NKIRAS1: variants seen among roughly 807,000 people sequenced by gnomAD.
NKIRAS1 encodes NFKB inhibitor interacting Ras like 1, also known as NF-kappa-B inhibitor-interacting Ras-like protein 1.
Under a neutral mutation model 19.8 loss-of-function variants are expected in NKIRAS1, and 16 were observed. The ratio of observed to expected loss-of-function variants is 0.81; its 90% CI spans 0.55 to 1.23. The LOEUF is 1.23. NKIRAS1 is among the 50% of genes most tolerant of loss of function. NKIRAS1 has a pLI of 0.00. For synonymous variants in NKIRAS1, 88 were observed against 79.0 expected (o/e 1.11, Z -0.61); for missense variants, 184 against 220.0 (o/e 0.84, Z 1.04).
intron 4 of NKIRAS1, among the ~76,000 whole-genome samples, chr3:23,896,955 C>T (rs1489494489): frequency 6.6e-6 from 1 of 152,140 alleles, no homozygotes; most frequent in African/African-American, 2.4e-5. Flanking sequence ...CTCATAATCC[C>T]AGCACTTTGG....
intron 1 of NKIRAS1, among the ~76,000 whole-genome samples, chr3:23,931,822 A>AAATTT (rs1705322825): frequency 6.6e-6 from 1 of 152,172 alleles, no homozygotes; most frequent in South Asian, 2.1e-4. Flanking sequence ...TCAACCACCC[A>AAATTT]GTGACTTCAG....
chr3:23,893,097 A>G lies in NKIRAS1; in HGVS notation c.577T>C (p.Ter193GlnextTer10). 1 of 1,546,218 alleles carries G rather than the reference A, an allele frequency of 6.5e-7. No homozygotes were observed. The highest frequency in any genetic ancestry group is 1.4e-5 in the African/African-American group (1 of 72,480). Residue 193 changes from the stop codon to glutamine (Q), a stop_lost, in exon 5 of 5, where the codon TAA becomes CAA. Coordinates refer to ENST00000425478, the MANE Select transcript of NKIRAS1 (RefSeq NM_020345.4). ...ACAATTGTGGAAATTACTGATTTTT[A>G]GTTCTCAGAATTAGAGTTCCCTTTG... ...KNKGNSNSEN[*>Q]
intron 4 of NKIRAS1, among the ~76,000 whole-genome samples, chr3:23,898,937 G>T (rs1702240995): frequency 6.6e-6 from 1 of 152,130 alleles, no homozygotes; most frequent in African/African-American, 2.4e-5. Flanking sequence ...ATTGTGAACT[G>T]CACATGTGAG....
intron 1 of NKIRAS1, among the ~76,000 whole-genome samples, chr3:23,931,930 G>T (rs1705324938): frequency 6.6e-6 from 1 of 152,202 alleles, no homozygotes; most frequent in Non-Finnish European, 1.5e-5. Context: ...TTTGTCTGGA[G>T]CAATGATGCT....
rs142956111 is a variant in NKIRAS1, at chr3:23,892,344, C to T, written c.*751G>A. 4.6e-5 allele frequency: 7 copies of T among 152,134 alleles called. No individual in the cohort carries two copies. Among genetic ancestry groups the T allele is most frequent in the Non-Finnish European group, 8.8e-5 (6 of 68,014 alleles). The allele number at this position is 152,134 out of a possible 1,614,324, so 9.4% of individuals were successfully genotyped here. On this transcript the variant is annotated 3_prime_UTR_variant, in exon 5 of 5. Transcript: ENST00000425478. ...TTCTAGAAAACTATTCCAGAAGATACAGTCTTCCTTCCAGAAAATACAGCT... is the reference window on the plus strand; with the variant it reads ...TTCTAGAAAACTATTCCAGAAGATATAGTCTTCCTTCCAGAAAATACAGCT...
upstream of NKIRAS1, chr3:23,920,629 C>T (rs748347743): frequency 1.1e-5 from 11 of 984,874 alleles, no homozygotes; most frequent in South Asian, 4.7e-5. Context: ...ACTTTGCTGA[C>T]TTAATTTAAA....
rs918070707 is a variant in NKIRAS1, at chr3:23,899,478, T to C, written c.336+1330A>G. On this transcript the variant is annotated intron_variant, in intron 4 of 4. Coordinates refer to ENST00000425478, the MANE Select transcript of NKIRAS1 (RefSeq NM_020345.4). ...CTGTTTGTTTTGTTTTTTGTTTTTT[T>C]TCTACCATCTAGCCAGTACTGTTAA... is the stretch of plus-strand genomic sequence containing the variant. 2.6e-5 allele frequency among the ~76,000 whole-genome samples: 4 copies of C among 152,246 alleles called. No individual in the cohort carries two copies. The South Asian group carries it at 8.3e-4, about 31-fold the overall frequency.
chr3:23,912,484 C>G (rs1041360473), intron 1 of NKIRAS1, among the ~76,000 whole-genome samples: 4 of 152,172 alleles, frequency 2.6e-5, no homozygotes, highest in African/African-American at 7.2e-5. Flanking sequence ...ATCAAAACCA[C>G]AATGAGATAC....
At position 23,926,621 on chromosome 3, in the gene NKIRAS1, A is replaced by G. The variant is rs928261389; in HGVS notation, c.-139-15171T>C. 2.8e-4 allele frequency among the ~76,000 whole-genome samples: 42 copies of G among 152,118 alleles called. No individual in the cohort carries two copies. The highest frequency in any genetic ancestry group is 9.2e-4 in the African/African-American group (38 of 41,426). Reference sequence around the variant, plus strand: ...TCATATGAGAATAGTATTTGTTGCTATAGATATTTTAATTGTATAATTACC... The same window carrying G: ...TCATATGAGAATAGTATTTGTTGCTGTAGATATTTTAATTGTATAATTACC... On this transcript the variant is annotated intron_variant, in intron 1 of 4. Transcript: ENST00000421515. This position sits in a 1 kb window ranked among gnomAD's most constrained non-coding sequence, Gnocchi z 4.3.
intron 3 of NKIRAS1, among the ~76,000 whole-genome samples, chr3:23,903,113 G>C (rs916370240): frequency 1.6e-4 from 24 of 152,094 alleles, no homozygotes; most frequent in Non-Finnish European, 1.2e-4. Context: ...GGCTTTTTAA[G>C]TTGTATTTAT....
Position 23,906,671 on chromosome 3 carries a change from G to T in NKIRAS1, c.94+4140C>A, listed in dbSNP as rs77215721. On this transcript the variant is annotated intron_variant, in intron 3 of 4. Coordinates refer to ENST00000425478, the MANE Select transcript of NKIRAS1 (RefSeq NM_020345.4). ...ATTTTTTTTTTTTTTTTGAGATGGA[G>T]AATCACTTGAACCCAGGAGGTGGAG... is the stretch of plus-strand genomic sequence containing the variant. Among the ~76,000 whole-genome samples, 681 of 147,368 alleles carry T rather than the reference G, an allele frequency of 4.6e-3. 4 individuals carry two copies. The highest frequency in any genetic ancestry group is 7.4e-3 in the Non-Finnish European group (494 of 67,182).
At chr3:23,921,681 T>A (rs755124866), upstream of NKIRAS1, 10 of 667,274 alleles carry the variant, frequency 1.5e-5, no homozygotes, top group Non-Finnish European at 2.4e-5. Flanking sequence ...TTTGAGCAAT[T>A]CTTCTGCCTC....
intron 4 of NKIRAS1, among the ~76,000 whole-genome samples, chr3:23,897,040 TTG>T (rs1702063842): frequency 6.6e-6 from 1 of 151,344 alleles, no homozygotes; most frequent in African/African-American, 2.4e-5. Flanking sequence ...GACCTTGTCT[TTG>T]CAAAAAAATA....
intron 1 of NKIRAS1, among the ~76,000 whole-genome samples, chr3:23,911,705 A>C (rs1703755605): frequency 6.6e-6 from 1 of 152,118 alleles, no homozygotes; most frequent in Non-Finnish European, 1.5e-5. Context: ...AAGAAACATG[A>C]AAGTTTATGT....
intron 1 of NKIRAS1, among the ~76,000 whole-genome samples, chr3:23,935,424 T>C (rs1195243107): frequency 1.3e-5 from 2 of 152,080 alleles, no homozygotes; most frequent in East Asian, 1.9e-4. Context: ...TTTCTTTTTC[T>C]TTTTTTGTTG....
upstream of NKIRAS1, chr3:23,918,144 C>T: frequency 1.5e-6 from 2 of 1,327,780 alleles, no homozygotes; most frequent in Non-Finnish European, 2.0e-6. Flanking sequence ...AGGGCTTTGG[C>T]AGAAAAAAGC....
intron 3 of NKIRAS1, among the ~76,000 whole-genome samples, chr3:23,904,001 C>T (rs1394214743): frequency 6.6e-6 from 1 of 152,084 alleles, no homozygotes; most frequent in Non-Finnish European, 1.5e-5. Context: ...CCCATCTCTA[C>T]TAAAAATACA....
At chr3:23,918,090 C>T, upstream of NKIRAS1, 3 of 1,564,924 alleles carry the variant, frequency 1.9e-6, no homozygotes, top group Admixed American at 3.8e-5. Context: ...AGTTGGAAAC[C>T]AGCTGTTAGG....
upstream of NKIRAS1, chr3:23,921,580 T>G (rs765252657): frequency 6.2e-5 from 42 of 674,142 alleles, no homozygotes; most frequent in East Asian, 2.7e-4. Flanking sequence ...GTTTTTTTTT[T>G]TTTTTTTTTT....
Sources: gnomAD v4.1 joint callset for allele counts (sites outside exome capture counted in the v4.1 genomes callset) on GRCh38, gnomAD v4.1.1 for gene constraint, Gnocchi (gnomAD v3.1) non-coding constraint, MANE v1.5 for transcripts, NCBI Gene and HGNC (gene_info 2026-07-23, HGNC 2026-07-21) for gene names.